EXOC2: variants seen among roughly 807,000 people sequenced by gnomAD.
The protein encoded by EXOC2 is exocyst complex component 2.
EXOC2 carries 70 observed loss-of-function variants against 131.8 expected under a neutral mutation model. The observed-to-expected ratio is 0.53, with a 90% CI of 0.44 to 0.65. The LOEUF (loss-of-function observed/expected upper bound fraction) is 0.65, where lower values mean the gene tolerates loss of function less well. EXOC2 is among the 30% of genes least tolerant of loss of function. EXOC2 has a pLI of 0.00. For synonymous variants in EXOC2, 411 were observed against 398.4 expected (o/e 1.03, Z -0.38); for missense variants, 923 against 1,108.6 (o/e 0.83, Z 2.38).
intron 1 of EXOC2, chr6:656,517 C>A: frequency 6.2e-7 from 1 of 1,605,640 alleles, no homozygotes; most frequent in East Asian, 2.2e-5. Context: ...CAGGCAGTCC[C>A]GCCACACTCT....
At chr6:590,449 A>T (rs112452634) in intron 11 of EXOC2, among the ~76,000 whole-genome samples, 1,771 of 152,300 alleles carry the variant, frequency 0.012, 37 homozygotes, top group African/African-American at 0.04. Context: ...AAACTATGCT[A>T]GAAAGAAACA....
chr6:520,932 A>G (rs1414933805), intron 23 of EXOC2, among the ~76,000 whole-genome samples: 1 of 145,670 alleles, frequency 6.9e-6, no homozygotes, highest in African/African-American at 2.7e-5. Flanking sequence ...CCACCCACCG[A>G]GCGCCAACAC....
chr6:643,882 G>A (rs989847477), intron 1 of EXOC2, among the ~76,000 whole-genome samples: 1 of 151,966 alleles, frequency 6.6e-6, no homozygotes, highest in Non-Finnish European at 1.5e-5. Flanking sequence ...CATTTAAATA[G>A]CAATAAAGAC....
At chr6:675,260 CAA>C (rs1216723085) in intron 1 of EXOC2, among the ~76,000 whole-genome samples, 4 of 152,206 alleles carry the variant, frequency 2.6e-5, no homozygotes, top group East Asian at 1.9e-4. Flanking sequence ...CGCTCTTCAC[CAA>C]AAAAGAGACT....
chr6:604,945 G>C (rs1747590), intron 7 of EXOC2, among the ~76,000 whole-genome samples: 13,228 of 151,298 alleles, frequency 0.087, 1,016 homozygotes, highest in African/African-American at 0.2. Flanking sequence ...TTTGTGGGCT[G>C]TAGCCACACC....
intron 22 of EXOC2, among the ~76,000 whole-genome samples, chr6:533,226 T>C (rs1413506531): frequency 6.6e-6 from 1 of 152,204 alleles, no homozygotes; most frequent in East Asian, 1.9e-4. Flanking sequence ...TCATTCATTT[T>C]TGAAAATACT....
At chr6:505,916 T>C (rs1416691222) in intron 23 of EXOC2, among the ~76,000 whole-genome samples, 2 of 152,152 alleles carry the variant, frequency 1.3e-5, no homozygotes, top group African/African-American at 4.8e-5. Context: ...AGTTGATAAG[T>C]GAATGAATGA....
chr6:533,214 T>C (rs528617104), intron 22 of EXOC2, among the ~76,000 whole-genome samples: 2 of 152,284 alleles, frequency 1.3e-5, no homozygotes, highest in African/African-American at 4.8e-5. Flanking sequence ...AGCCTAACCA[T>C]ATCATTCATT....
At position 610,172 on chromosome 6, in the gene EXOC2, T is replaced by G; in HGVS notation, c.668A>C (p.His223Pro). 6.2e-7 allele frequency: 1 copy of G among 1,613,900 alleles called. No individual in the cohort carries two copies. Among genetic ancestry groups the G allele is most frequent in the South Asian group, 1.1e-5 (1 of 91,042 alleles). ...FEAQDALSAI[H>P]QKLEADGTEK... ...CGTTCCATCTGCTTCTAGTTTTTGA[T>G]GGATGGCTAGAAAAAAAAATCTAGT... Residue 223 changes from histidine to proline, a missense_variant, in exon 7 of 28, where the codon CAT becomes CCT. Transcript: ENST00000230449.
In EXOC2 at chr6:693,076, C is replaced by T. The variant is rs1029096506; in HGVS notation, c.-101G>A. 5 of 152,368 alleles carry T rather than the reference C, an allele frequency of 3.3e-5. No homozygotes were observed. Among genetic ancestry groups the T allele is most frequent in the Admixed American group, 2.0e-4 (3 of 15,292 alleles). The allele number at this position is 152,368 out of a possible 1,614,324, so 9.4% of individuals were successfully genotyped here. A position where few individuals can be genotyped will look rare whatever the true frequency, so the allele number is the denominator to read the frequency against. On this transcript the variant is annotated 5_prime_UTR_variant, in exon 1 of 28. Coordinates refer to ENST00000230449, the MANE Select transcript of EXOC2 (RefSeq NM_018303.6). ...ACAGACAGGGCCCGGTAGGTCTCGC[C>T]GAAGACTCCGCGGCCGCCAGCCGCC...
At chr6:605,348 A>G (rs1002590706) in intron 7 of EXOC2, among the ~76,000 whole-genome samples, 4 of 152,252 alleles carry the variant, frequency 2.6e-5, no homozygotes, top group South Asian at 2.1e-4. Flanking sequence ...TTACGAATGA[A>G]TAACAATTTT....
intron 11 of EXOC2, among the ~76,000 whole-genome samples, chr6:583,716 A>G (rs1430561481): frequency 6.6e-6 from 1 of 152,258 alleles, no homozygotes; most frequent in Non-Finnish European, 1.5e-5. Context: ...GCAGGTAAAT[A>G]AAACCCCACT....
At chr6:536,940 C>A (rs192430571) in intron 22 of EXOC2, among the ~76,000 whole-genome samples, 1 of 152,110 alleles carries the variant, frequency 6.6e-6, no homozygotes, top group Non-Finnish European at 1.5e-5. Flanking sequence ...TTCTAAAAAT[C>A]GTCAATAGAA....
intron 22 of EXOC2, among the ~76,000 whole-genome samples, chr6:539,039 C>T (rs1766639209): frequency 6.8e-6 from 1 of 148,076 alleles, no homozygotes; most frequent in Admixed American, 6.8e-5. Flanking sequence ...CACTGCACTA[C>T]AGCCTGGGTG....
intron 12 of EXOC2, among the ~76,000 whole-genome samples, chr6:572,892 G>C (rs1758367623): frequency 6.6e-6 from 1 of 152,250 alleles, no homozygotes; most frequent in Non-Finnish European, 1.5e-5. Context: ...TGACCAGCAA[G>C]CCAGGGCAAG....
At chr6:493,105 C>T (rs1680241424) in intron 25 of EXOC2, among the ~76,000 whole-genome samples, 1 of 152,154 alleles carries the variant, frequency 6.6e-6, no homozygotes, top group Non-Finnish European at 1.5e-5. Flanking sequence ...ATCCCTTATT[C>T]TCAAGGAGTG....
chr6:570,395 A>C (rs1758212716), intron 13 of EXOC2, among the ~76,000 whole-genome samples: 1 of 152,178 alleles, frequency 6.6e-6, no homozygotes, highest in Admixed American at 6.5e-5. Flanking sequence ...GGCCTCCCAA[A>C]GTGCTGGGAT....
chr6:591,798 CA>C (rs1759556833), intron 11 of EXOC2, among the ~76,000 whole-genome samples: 1 of 152,140 alleles, frequency 6.6e-6, no homozygotes, highest in Admixed American at 6.5e-5. Context: ...AGTATACAAA[CA>C]AAAGCCAATA....
At chr6:671,554 A>G (rs775480938) in intron 1 of EXOC2, among the ~76,000 whole-genome samples, 6 of 152,124 alleles carry the variant, frequency 3.9e-5, no homozygotes, top group African/African-American at 7.2e-5. Context: ...AGATCCAAGT[A>G]TTTGACCTAT....
Sources: gnomAD v4.1 joint callset for allele counts (sites outside exome capture counted in the v4.1 genomes callset) on GRCh38, gnomAD v4.1.1 for gene constraint, MANE v1.5 for transcripts, NCBI Gene and HGNC (gene_info 2026-07-23, HGNC 2026-07-21) for gene names.